SLC2A9: variants seen among roughly 807,000 people sequenced by gnomAD.
SLC2A9 encodes solute carrier family 2, facilitated glucose transporter member 9.
A neutral mutation model predicts 50.6 loss-of-function variants in SLC2A9; 39 were observed. The ratio of observed to expected loss-of-function variants is 0.77; its 90% CI spans 0.60 to 1.01. The LOEUF (loss-of-function observed/expected upper bound fraction) is 1.01, where lower values mean the gene tolerates loss of function less well. SLC2A9 is among the 50% of genes least tolerant of loss of function. SLC2A9 has a pLI of 0.00. For synonymous variants in SLC2A9, 324 were observed against 276.9 expected (o/e 1.17, Z -1.69); for missense variants, 686 against 677.6 (o/e 1.01, Z -0.14).
chr4:9,866,189 C>A (rs2109442130), intron 10 of SLC2A9, among the ~76,000 whole-genome samples: 1 of 152,104 alleles, frequency 6.6e-6, no homozygotes. Flanking sequence ...TGGATATGAA[C>A]ATGGATGCTA....
At chr4:9,907,054 G>A (rs1032312311) in intron 8 of SLC2A9, among the ~76,000 whole-genome samples, 2 of 152,234 alleles carry the variant, frequency 1.3e-5, no homozygotes, top group Non-Finnish European at 2.9e-5. Flanking sequence ...ACAATTGCAA[G>A]CCTCTGCCTG....
chr4:9,820,352 A>G (rs180782218), intron 3 of SLC2A9, among the ~76,000 whole-genome samples: 239 of 152,274 alleles, frequency 1.6e-3, no homozygotes, highest in Admixed American at 3.7e-3. Context: ...TAGTGTCCTG[A>G]TTGCTGTAGA....
intron 7 of SLC2A9, among the ~76,000 whole-genome samples, chr4:9,913,551 A>G: frequency 6.6e-6 from 1 of 151,660 alleles, no homozygotes; most frequent in Admixed American, 6.6e-5. Context: ...GTTTCCAGGG[A>G]CCTCCTTTCC....
intron 10 of SLC2A9, chr4:9,880,487 A>G (rs554856914): frequency 1.8e-4 from 178 of 985,436 alleles, no homozygotes; most frequent in Non-Finnish European, 2.0e-4. Flanking sequence ...AGAAAGCCAC[A>G]GTTGCAAACA....
intron 3 of SLC2A9, among the ~76,000 whole-genome samples, chr4:9,787,236 G>C (rs1425178880): frequency 6.6e-6 from 1 of 152,186 alleles, no homozygotes; most frequent in Admixed American, 6.5e-5. Flanking sequence ...CATATTCATT[G>C]GTTAGAAGTG....
At chr4:9,908,911 C>T (rs1355876687) in intron 7 of SLC2A9, among the ~76,000 whole-genome samples, 2 of 152,110 alleles carry the variant, frequency 1.3e-5, no homozygotes, top group Non-Finnish European at 2.9e-5. Flanking sequence ...TTTGTCCTTC[C>T]TTCTTTCTGT....
intron 2 of SLC2A9, among the ~76,000 whole-genome samples, chr4:10,015,694 C>T (rs539608818): frequency 1.8e-4 from 27 of 152,220 alleles, no homozygotes; most frequent in Admixed American, 3.9e-4. Context: ...AGAAAGAGGC[C>T]GTCTGCAAGC....
At chr4:9,786,292 C>T (rs1246167802) in intron 3 of SLC2A9, among the ~76,000 whole-genome samples, 1 of 152,188 alleles carries the variant, frequency 6.6e-6, no homozygotes, top group African/African-American at 2.4e-5. Flanking sequence ...AATAACCAGC[C>T]TGTGGTCACA....
In SLC2A9 at chr4:9,893,594, G is replaced by C. The variant is rs550700654; in HGVS notation, c.1114-2883C>G. On this transcript the variant is annotated intron_variant, in intron 8 of 11. Coordinates refer to ENST00000264784, the MANE Select transcript of SLC2A9 (RefSeq NM_020041.3). ...TGAGGGAGGGAGGGAGGGAGTGAGGGAGGGAGGGAGACACAGAGAAACCTG... is the reference window on the plus strand; with the variant it reads ...TGAGGGAGGGAGGGAGGGAGTGAGGCAGGGAGGGAGACACAGAGAAACCTG... Among the ~76,000 whole-genome samples, 4 of 151,208 alleles carry C rather than the reference G, an allele frequency of 2.6e-5. No individual in the cohort carries two copies. In the East Asian group the frequency reaches 7.8e-4, roughly 29 times the overall value.
intron 10 of SLC2A9, among the ~76,000 whole-genome samples, chr4:9,870,389 G>A (rs16889842): frequency 0.031 from 4,652 of 152,290 alleles, 146 homozygotes; most frequent in Admixed American, 0.11. Context: ...CAGAAACCAC[G>A]AGAAAGACCT....
intron 7 of SLC2A9, among the ~76,000 whole-genome samples, chr4:9,908,801 G>C (rs1479044435): frequency 2.6e-5 from 4 of 152,104 alleles, no homozygotes; most frequent in African/African-American, 9.7e-5. Context: ...TTGCAGCCAA[G>C]TGTGGCAGCG....
intron 6 of SLC2A9, among the ~76,000 whole-genome samples, chr4:9,938,338 C>A (rs1344386800): frequency 1.5e-5 from 2 of 137,352 alleles, no homozygotes; most frequent in African/African-American, 5.6e-5. Context: ...GTGGTGTGAT[C>A]TTGGCTCACT....
chr4:9,966,145 C>T (rs1753014069), intron 5 of SLC2A9, among the ~76,000 whole-genome samples: 1 of 152,156 alleles, frequency 6.6e-6, no homozygotes, highest in Non-Finnish European at 1.5e-5. Flanking sequence ...CAGAGTGAGA[C>T]TAATGCCCTT....
In SLC2A9 at chr4:9,980,720, G is replaced by A. The variant is rs1273746069; in HGVS notation, c.553C>T (p.Leu185Phe). The A allele has an allele frequency of 2.5e-6, 4 of 1,614,182 alleles. No homozygotes were observed. The highest frequency in any genetic ancestry group is 3.4e-6 in the Non-Finnish European group (4 of 1,180,020). ...GAGATCTCACTAAGGTACATGGGGA[G>A]CACACTGAGGGCGACGCCTGTAGAG... ...GIDGGVALSV[L>F]PMYLSEISPK... The change falls in exon 5 of 12, where the codon CTC becomes TTC. Residue 185 changes from leucine (L) to phenylalanine (F), a missense_variant. By Grantham distance (22) the Leu-to-Phe change is conservative (BLOSUM62 0). Coordinates refer to ENST00000264784, the MANE Select transcript of SLC2A9 (RefSeq NM_020041.3).
intron 6 of SLC2A9, among the ~76,000 whole-genome samples, chr4:9,941,307 A>G (rs1354981037): frequency 6.6e-6 from 1 of 152,188 alleles, no homozygotes; most frequent in Non-Finnish European, 1.5e-5. Flanking sequence ...GCATTTAAAG[A>G]AAGCTACATG....
intron 6 of SLC2A9, among the ~76,000 whole-genome samples, chr4:9,940,403 G>T (rs1430874490): frequency 6.6e-6 from 1 of 152,134 alleles, no homozygotes; most frequent in Non-Finnish European, 1.5e-5. Flanking sequence ...TCTTCTTTGG[G>T]TTCCAATCCT....
intron 3 of SLC2A9, among the ~76,000 whole-genome samples, chr4:9,819,681 C>A (rs1003655771): frequency 8.5e-5 from 13 of 152,244 alleles, no homozygotes; most frequent in Admixed American, 2.0e-4. Context: ...TGCCTGTAAT[C>A]CCAGCACTTT....
chr4:9,818,981 G>A (rs183392733), intron 3 of SLC2A9, among the ~76,000 whole-genome samples: 43 of 152,160 alleles, frequency 2.8e-4, no homozygotes, highest in Non-Finnish European at 5.0e-4. Flanking sequence ...AATGAGCCAG[G>A]TGTGGTGGCA....
chr4:10,037,332 C>T (rs957525594), intron 1 of SLC2A9, among the ~76,000 whole-genome samples: 17 of 152,088 alleles, frequency 1.1e-4, no homozygotes, highest in Admixed American at 2.0e-4. Context: ...TCATACGGTA[C>T]GGTATATGAC....
Sources: gnomAD v4.1 joint callset for allele counts (sites outside exome capture counted in the v4.1 genomes callset) on GRCh38, gnomAD v4.1.1 for gene constraint, MANE v1.5 for transcripts, NCBI Gene and HGNC (gene_info 2026-07-23, HGNC 2026-07-21) for gene names.